HYDIN: variants seen among roughly 807,000 people sequenced by gnomAD.
The protein encoded by HYDIN is axonemal central pair apparatus protein HYDIN.
HYDIN carries 132 observed loss-of-function variants against 403.9 expected under a neutral mutation model. The ratio of observed to expected loss-of-function variants is 0.33; its 90% CI spans 0.28 to 0.38. The LOEUF is 0.38. Ranked by LOEUF, HYDIN falls within the 10% of genes least tolerant of loss-of-function variation. The pLI, the probability that HYDIN is intolerant of heterozygous loss-of-function variation, is 1.00. For missense variants in HYDIN, 2,827 were observed against 5,009.5 expected, an observed-to-expected ratio of 0.56 and a Z score of 13.15; for synonymous variants, 1,202 against 1,891.7, an observed-to-expected ratio of 0.64 and a Z score of 9.46.
Position 70,943,805 on chromosome 16 carries a change from G to T in HYDIN, c.6669+7C>A, listed in dbSNP as rs376657235. On this transcript the variant is annotated splice_region_variant and intron_variant, in intron 42 of 85. Transcript: ENST00000393567. The stretch of plus-strand genomic sequence containing the variant: ...CCTGCAGCTCTGTGCAGGTGGCATG[G>T]ACCCACCTGTATCCGCTCTGCCAGG... 9.3e-6 allele frequency: 15 copies of T among 1,610,862 alleles called. No individual in the cohort carries two copies. The highest frequency in any genetic ancestry group is 1.7e-5 in the Admixed American group (1 of 60,002).
At chr16:71,009,639 T>C (rs2080010281) in intron 23 of HYDIN, among the ~76,000 whole-genome samples, 1 of 151,576 alleles carries the variant, frequency 6.6e-6, no homozygotes, top group African/African-American at 2.4e-5. Context: ...AAGTTGAGGA[T>C]CTAGAGAAGG....
chr16:71,081,089 T>C (rs1192243763), intron 12 of HYDIN: 2 of 151,860 alleles, frequency 1.3e-5, no homozygotes, highest in African/African-American at 4.8e-5. Context: ...TGTAAAATAT[T>C]AAGTATGTGT....
At chr16:71,041,370 C>T (rs908481825) in intron 18 of HYDIN, among the ~76,000 whole-genome samples, 5 of 151,184 alleles carry the variant, frequency 3.3e-5, no homozygotes, top group African/African-American at 4.9e-5. Context: ...GACCCAGCAA[C>T]GGCATTTCTA....
chr16:71,017,473 T>G (rs987297614), intron 23 of HYDIN, among the ~76,000 whole-genome samples: 3 of 152,210 alleles, frequency 2.0e-5, no homozygotes, highest in African/African-American at 7.2e-5. Context: ...TCCTGAGGCC[T>G]CCCCAGCTAT....
chr16:71,144,494 A>G (rs1253477415), intron 7 of HYDIN, among the ~76,000 whole-genome samples: 2 of 143,352 alleles, frequency 1.4e-5, no homozygotes, highest in Non-Finnish European at 3.0e-5. Context: ...TCAATTTTAG[A>G]CTATAATAAA....
intron 1 of HYDIN, among the ~76,000 whole-genome samples, chr16:71,189,556 A>C (rs1034743943): frequency 1.3e-5 from 2 of 152,122 alleles, no homozygotes; most frequent in African/African-American, 4.8e-5. Flanking sequence ...TCACGCGGTC[A>C]GGAGATTGAG....
chr16:70,855,803 T>G (rs531032242), intron 72 of HYDIN, among the ~76,000 whole-genome samples: 4 of 152,420 alleles, frequency 2.6e-5, no homozygotes, highest in Non-Finnish European at 5.9e-5. Flanking sequence ...AATCATTTTA[T>G]CCAATTCTCT....
At chr16:71,108,358 G>A (rs1001042137) in intron 10 of HYDIN, among the ~76,000 whole-genome samples, 9 of 152,070 alleles carry the variant, frequency 5.9e-5, no homozygotes, top group African/African-American at 2.2e-4. Flanking sequence ...AAAAAGCAAG[G>A]ATATGATGGT....
At position 70,879,420 on chromosome 16, in the gene HYDIN, C is replaced by T. The variant is rs752165609; in HGVS notation, c.10434G>A (p.Thr3478=). Residue 3478 remains threonine (T), a synonymous_variant, in exon 62 of 86, where the codon ACG becomes ACA. Transcript: ENST00000393567. Reference sequence around the variant, plus strand: ...GGTTATGAAGAACTGGCCGCACAACCGTCACTCGAGGGAGGTTCCCCTCAC... The same window carrying T: ...GGTTATGAAGAACTGGCCGCACAACTGTCACTCGAGGGAGGTTCCCCTCAC... ...IAGEGNLPRV[T]VVRPVLHNQY... The T allele has an allele frequency of 7.5e-6, 12 of 1,609,726 alleles. No individual in the cohort carries two copies. The highest frequency in any genetic ancestry group is 4.5e-5 in the East Asian group (2 of 44,850).
intron 1 of HYDIN, among the ~76,000 whole-genome samples, chr16:71,221,251 G>C (rs1470633064): frequency 6.9e-6 from 1 of 145,454 alleles, no homozygotes; most frequent in African/African-American, 2.5e-5. Flanking sequence ...AGAGAGAAAG[G>C]TATAAAGAAA....
intron 35 of HYDIN, among the ~76,000 whole-genome samples, chr16:70,971,251 C>T (rs1457190142): frequency 6.6e-6 from 1 of 152,262 alleles, no homozygotes; most frequent in Non-Finnish European, 1.5e-5. Context: ...AGCTCCCTTG[C>T]TCCTGAGGAG....
chr16:71,093,253 C>CTCATGCAT (rs1225684761), intron 11 of HYDIN, among the ~76,000 whole-genome samples: 10 of 152,314 alleles, frequency 6.6e-5, no homozygotes, highest in African/African-American at 2.2e-4. Context: ...CTGAAGTAAA[C>CTCATGCAT]ACTGATCCTG....
intron 9 of HYDIN, among the ~76,000 whole-genome samples, chr16:71,118,332 AG>A (rs1292491321): frequency 3.3e-5 from 5 of 149,516 alleles, no homozygotes; most frequent in African/African-American, 1.2e-4. Flanking sequence ...AGGCTCCATA[AG>A]GGTAGCTGCC....
intron 1 of HYDIN, among the ~76,000 whole-genome samples, chr16:71,223,626 CA>C (rs1378834153): frequency 1.4e-5 from 1 of 73,558 alleles, no homozygotes; most frequent in Non-Finnish European, 2.2e-5. Flanking sequence ...AACAAATCAG[CA>C]AGAAAAAAAA....
At chr16:70,947,598 T>C (rs2077915894) in intron 41 of HYDIN, among the ~76,000 whole-genome samples, 1 of 151,534 alleles carries the variant, frequency 6.6e-6, no homozygotes, top group Non-Finnish European at 1.5e-5. Flanking sequence ...TTGATTGGAA[T>C]AGTTTCAGAA....
intron 76 of HYDIN, 52 bp from the exon 77 acceptor site, chr16:70,837,940 G>C (rs1226017679): frequency 6.4e-7 from 1 of 1,567,254 alleles, no homozygotes; most frequent in Admixed American, 1.8e-5. Context: ...CTGACCCAGA[G>C]GGGCAGATGC....
In HYDIN at chr16:70,976,228, G is replaced by A. The variant is rs867106629; in HGVS notation, c.4639-959C>T. Among the ~76,000 whole-genome samples the A allele has an allele frequency of 5.3e-5, 8 of 152,242 alleles. No homozygotes were observed. In the South Asian group the frequency reaches 1.0e-3, roughly 20 times the overall value. The stretch of plus-strand genomic sequence containing the variant: ...CTGAGAACAGGAATGAAAAGGCTTG[G>A]ATCTGGTTGGCTCTATAGGAGGGGC... On this transcript the variant is annotated intron_variant, in intron 30 of 85. Coordinates refer to ENST00000393567, the MANE Select transcript of HYDIN (RefSeq NM_001270974.2).
At chr16:71,125,568 A>T (rs2084422793) in intron 9 of HYDIN, among the ~76,000 whole-genome samples, 2 of 152,056 alleles carry the variant, frequency 1.3e-5, no homozygotes, top group Non-Finnish European at 2.9e-5. Context: ...GAAGCCAAGG[A>T]AGATCAAATG....
chr16:70,885,681 G>T (rs1272670168), intron 58 of HYDIN, among the ~76,000 whole-genome samples: 1 of 151,956 alleles, frequency 6.6e-6, no homozygotes, highest in African/African-American at 2.4e-5. Flanking sequence ...GCAACTGAAA[G>T]GCAGAGTGCT....
Sources: gnomAD v4.1 joint callset for allele counts (sites outside exome capture counted in the v4.1 genomes callset) on GRCh38, gnomAD v4.1.1 for gene constraint, MANE v1.5 for transcripts, NCBI Gene and HGNC (gene_info 2026-07-23, HGNC 2026-07-21) for gene names.